DNAH17: variants seen among roughly 807,000 people sequenced by gnomAD.
DNAH17 encodes the protein axonemal beta dynein heavy chain 17.
DNAH17 carries 376 observed loss-of-function variants against 485.6 expected under a neutral mutation model. The observed-to-expected ratio is 0.77, with a 90% confidence interval of 0.71 to 0.84. The LOEUF (loss-of-function observed/expected upper bound fraction) is 0.84, where lower values mean the gene tolerates loss of function less well. Among genes scored for constraint, DNAH17 ranks in the 40% least tolerant of loss-of-function variants. DNAH17 has a pLI of 0.00. For missense variants in DNAH17, 6,370 were observed against 5,839.3 expected (o/e 1.09, Z -2.96); for synonymous variants, 3,031 against 2,405.9 (o/e 1.26, Z -7.60).
At chr17:78,501,110 G>A in intron 35 of DNAH17, 74 bp downstream of exon 35, 1 of 1,474,746 alleles carries the variant, frequency 6.8e-7, no homozygotes, top group Admixed American at 2.0e-5. Flanking sequence ...TGACCTCCAA[G>A]TCGGACAGTT....
At chr17:78,463,737 A>G (rs1313646117) in intron 56 of DNAH17, among the ~76,000 whole-genome samples, 1 of 152,250 alleles carries the variant, frequency 6.6e-6, no homozygotes, top group East Asian at 1.9e-4. Flanking sequence ...TTCTTTCCCC[A>G]GCCCTCTGGG....
intron 48 of DNAH17, among the ~76,000 whole-genome samples, chr17:78,484,191 C>G (rs1360427096): frequency 6.7e-6 from 1 of 149,278 alleles, no homozygotes; most frequent in African/African-American, 2.5e-5. Context: ...TTTGGTTTCT[C>G]GGTGCCGTTA....
chr17:78,523,749 A>T (rs1167749873), intron 25 of DNAH17, among the ~76,000 whole-genome samples: 1 of 152,102 alleles, frequency 6.6e-6, no homozygotes, highest in East Asian at 1.9e-4. Context: ...CTACATAGAA[A>T]TGTAAAAATT....
At chr17:78,493,837 G>C (rs1485799798) in intron 41 of DNAH17, among the ~76,000 whole-genome samples, 199 bp downstream of exon 41, 1 of 152,208 alleles carries the variant, frequency 6.6e-6, no homozygotes, top group Non-Finnish European at 1.5e-5. Flanking sequence ...AGGGATCAGG[G>C]ATCAGGGGCT....
intron 35 of DNAH17, 106 bp from the exon 36 acceptor site, chr17:78,500,567 G>A: frequency 8.3e-7 from 1 of 1,199,182 alleles, no homozygotes; most frequent in Non-Finnish European, 1.1e-6. Flanking sequence ...GGAGTGCAGT[G>A]GTACAATCTT....
intron 3 of DNAH17, among the ~76,000 whole-genome samples, chr17:78,572,328 C>T (rs1263763049): frequency 1.3e-5 from 2 of 152,192 alleles, no homozygotes. Flanking sequence ...CTCCCACTCC[C>T]ACTCACTGAC....
At position 78,535,825 on chromosome 17, in the gene DNAH17, C is replaced by T. The variant is rs150035870; in HGVS notation, c.2859+1474G>A. On this transcript the variant is annotated intron_variant, in intron 19 of 80. Coordinates refer to ENST00000389840, the MANE Select transcript of DNAH17 (RefSeq NM_173628.4). The stretch of plus-strand genomic sequence containing the variant: ...TGTCACAACACCTTTCCATCCTTGG[C>T]TCATTGTGACAATTCACAGAATCTG... 1.5e-4 allele frequency among the ~76,000 whole-genome samples: 23 copies of T among 152,298 alleles called. No homozygotes were observed. In the East Asian group the frequency reaches 3.9e-3, roughly 26 times the overall value.
At chr17:78,458,898 A>T in intron 61 of DNAH17, 103 bp downstream of exon 61, 2 of 1,315,820 alleles carry the variant, frequency 1.5e-6, no homozygotes, top group Non-Finnish European at 2.2e-6. Flanking sequence ...TGAATAATTC[A>T]TGACGGCGGG....
At chr17:78,525,301 C>A (rs1334286221) in intron 24 of DNAH17, 140 bp from the exon 25 acceptor site, 4 of 1,288,578 alleles carry the variant, frequency 3.1e-6, no homozygotes, top group Non-Finnish European at 4.2e-6. Flanking sequence ...AACGGTGTCC[C>A]ACCTGGAGGG....
In DNAH17 at chr17:78,449,546, G is replaced by A. The variant is rs890298399; in HGVS notation, c.11079C>T (p.Thr3693=). 1.2e-6 allele frequency: 2 copies of A among 1,604,912 alleles called. No individual in the cohort carries two copies. The highest frequency in any genetic ancestry group is 2.7e-5 in the African/African-American group (2 of 74,696). Residue 3693 remains threonine, a synonymous_variant, in exon 69 of 81, where the codon ACC becomes ACT. Transcript: ENST00000389840. The part of the protein sequence containing the change: ...NVVFEKAIQR[T]TPANEVKQRV... ...GCTGCTTCACCTCGTTGGCAGGGGT[G>A]GTCCTCTGGATGGCTTTCTCAAACA...
chr17:78,485,423 G>A, intron 47 of DNAH17, 127 bp downstream of exon 47: 8 of 903,768 alleles, frequency 8.9e-6, no homozygotes, highest in Non-Finnish European at 1.3e-5. Context: ...CCAGCGGGTG[G>A]GGCATGGGAA....
At position 78,451,492 on chromosome 17, in the gene DNAH17, GCT is replaced by G; in HGVS notation, c.10709_10710del (p.Glu3570AlafsTer19). The G allele has an allele frequency of 6.2e-7, 1 of 1,612,248 alleles. No individual in the cohort carries two copies. Among genetic ancestry groups the G allele is most frequent in the South Asian group, 1.1e-5 (1 of 90,912 alleles). Reference protein sequence around the residue: ...DQLLAAVVAKERPDLEQLKAN... With the variant: ...DQLLAAVVAKXRPDLEQLKAN... ...ACCTTCAGCTGTTCCAGATCTGGGCGCTCTTTGGCCACCACAGCGGCCAAGAG... is the reference window on the plus strand; with the variant it reads ...ACCTTCAGCTGTTCCAGATCTGGGCGCTTTGGCCACCACAGCGGCCAAGAG... On this transcript the variant is annotated frameshift_variant, in exon 66 of 81. Coordinates refer to ENST00000389840, the MANE Select transcript of DNAH17 (RefSeq NM_173628.4). LOFTEE classifies it high-confidence loss of function.
At chr17:78,530,815 T>A (rs2091214701) in intron 20 of DNAH17, among the ~76,000 whole-genome samples, 1 of 152,120 alleles carries the variant, frequency 6.6e-6, no homozygotes. Context: ...GTGAACCAGG[T>A]CACAGGCTCC....
chr17:78,574,355 T>C (rs1484117132), intron 2 of DNAH17, among the ~76,000 whole-genome samples: 4 of 151,964 alleles, frequency 2.6e-5, no homozygotes, highest in Non-Finnish European at 5.9e-5. Context: ...ATACGAAAAT[T>C]AGCCAGGTGT....
At position 78,431,652 on chromosome 17, in the gene DNAH17, G is replaced by A. The variant is rs562483276; in HGVS notation, c.12226-2352C>T. On this transcript the variant is annotated intron_variant, in intron 75 of 80. Coordinates refer to ENST00000389840, the MANE Select transcript of DNAH17 (RefSeq NM_173628.4). ...ACATCATTCCCGGTGGTCACTCAGC[G>A]TGTAGCATGACCTGTGCCATGAAGG... is the stretch of plus-strand genomic sequence containing the variant. Among the ~76,000 whole-genome samples, 154 of 152,190 alleles carry A rather than the reference G, an allele frequency of 1.0e-3. 1 individual carries two copies. The South Asian group carries it at 0.015, about 15-fold the overall frequency.
rs1441448209 is a variant in DNAH17 at position 78,458,608 on chromosome 17, G to A, written c.9934C>T (p.Gln3312Ter). Residue 3312 changes from glutamine to a stop codon, truncating the protein, a stop_gained, in exon 62 of 81, where the codon CAA becomes TAA. Coordinates refer to ENST00000389840, the MANE Select transcript of DNAH17 (RefSeq NM_173628.4). LOFTEE classifies it high-confidence loss of function. ...ACCCTGTTCGTGGCATCGGCCTCTT[G>A]CTGACACTTGATTTTCTCAGCTGTT... is the stretch of plus-strand genomic sequence containing the variant. ...KATAEKIKCQ[Q>*]EADATNRVIL... 8 of 1,613,916 alleles carry A rather than the reference G, an allele frequency of 5.0e-6. No individual in the cohort carries two copies. The highest frequency in any genetic ancestry group is 1.7e-5 in the Admixed American group (1 of 60,002).
At chr17:78,448,783 T>C (rs775122699) in intron 69 of DNAH17, among the ~76,000 whole-genome samples, 45 of 152,184 alleles carry the variant, frequency 3.0e-4, no homozygotes, top group Non-Finnish European at 5.6e-4. Flanking sequence ...GCCCGTTTTG[T>C]GCTCTCTCTC....
intron 56 of DNAH17, among the ~76,000 whole-genome samples, chr17:78,466,384 C>T (rs1317392634): frequency 6.6e-6 from 1 of 152,056 alleles, no homozygotes; most frequent in African/African-American, 2.4e-5. Context: ...CCACTATTGT[C>T]CTATGACCCT....
At chr17:78,444,180 T>C (rs692426) in intron 71 of DNAH17, among the ~76,000 whole-genome samples, 26,773 of 152,164 alleles carry the variant, frequency 0.18, 3,211 homozygotes, top group African/African-American at 0.34. Context: ...TCAAAACATC[T>C]TAAAAGGACC....
Sources: gnomAD v4.1 joint callset for allele counts (sites outside exome capture counted in the v4.1 genomes callset) on GRCh38, gnomAD v4.1.1 for gene constraint, MANE v1.5 for transcripts, NCBI Gene and HGNC (gene_info 2026-07-23, HGNC 2026-07-21) for gene names.